MYO16: variants seen among roughly 807,000 people sequenced by gnomAD.
The protein encoded by MYO16 is myosin XVI.
A neutral mutation model predicts 205.3 loss-of-function variants in MYO16; 94 were observed. That is an observed-to-expected ratio of 0.46 (90% confidence interval 0.39 to 0.54). The LOEUF is 0.54. Among genes scored for constraint, MYO16 ranks in the 20% least tolerant of loss-of-function variants. The pLI is 0.00. For missense variants in MYO16, 2,315 were observed against 2,387.5 expected, an observed-to-expected ratio of 0.97 and a Z score of 0.63; for synonymous variants, 988 against 954.0, an observed-to-expected ratio of 1.04 and a Z score of -0.66.
chr13:108,926,956 A>G (rs1882033448), intron 16 of MYO16, among the ~76,000 whole-genome samples: 1 of 152,170 alleles, frequency 6.6e-6, no homozygotes, highest in African/African-American at 2.4e-5. Flanking sequence ...AAATACTAAA[A>G]TGAATTTCTA....
chr13:109,062,656 G>A (rs2139630063), intron 27 of MYO16, among the ~76,000 whole-genome samples: 1 of 152,162 alleles, frequency 6.6e-6, no homozygotes, highest in Admixed American at 6.5e-5. Context: ...TTCATAGAGA[G>A]ATTATCAGTT....
chr13:108,594,008 T>C (rs1878471486), upstream of MYO16, among the ~76,000 whole-genome samples: 1 of 152,192 alleles, frequency 6.6e-6, no homozygotes, highest in Non-Finnish European at 1.5e-5. Context: ...GTGCTCATGA[T>C]GGAACAAGAC....
At chr13:108,894,006 T>G (rs966784458) in intron 14 of MYO16, among the ~76,000 whole-genome samples, 11 of 152,182 alleles carry the variant, frequency 7.2e-5, no homozygotes, top group African/African-American at 2.7e-4. Flanking sequence ...GGAGGTTTAA[T>G]TGACTCACAG....
chr13:108,750,647 A>G (rs2116243), intron 4 of MYO16, among the ~76,000 whole-genome samples: 59,380 of 149,754 alleles, frequency 0.4, 12,340 homozygotes, highest in East Asian at 0.55. Context: ...AAAGAAAAGA[A>G]AAAAAGAAAA....
At chr13:108,632,946 A>T (rs898332834) in intron 1 of MYO16, among the ~76,000 whole-genome samples, 7 of 152,168 alleles carry the variant, frequency 4.6e-5, no homozygotes, top group Admixed American at 2.0e-4. Context: ...CGGAGGCTTG[A>T]GGTCTACCTG....
intron 7 of MYO16, among the ~76,000 whole-genome samples, chr13:108,810,789 A>G (rs889026880): frequency 1.3e-5 from 2 of 152,192 alleles, no homozygotes; most frequent in African/African-American, 4.8e-5. Context: ...TTTCACTCTT[A>G]TAAAGACCTT....
intron 3 of MYO16, among the ~76,000 whole-genome samples, chr13:108,716,479 A>G (rs531111878): frequency 3.8e-4 from 58 of 152,344 alleles, no homozygotes; most frequent in African/African-American, 1.3e-3. Flanking sequence ...CTGAAGGAGG[A>G]GGTGCTCAGT....
intron 1 of MYO16, among the ~76,000 whole-genome samples, chr13:108,649,680 T>C (rs1198489098): frequency 6.6e-6 from 1 of 152,224 alleles, no homozygotes; most frequent in Non-Finnish European, 1.5e-5. Flanking sequence ...TCTGAATTGG[T>C]ATAATAACAA....
intron 2 of MYO16, among the ~76,000 whole-genome samples, chr13:108,668,815 C>T (rs1881855684): frequency 1.3e-5 from 2 of 152,158 alleles, no homozygotes; most frequent in South Asian, 4.1e-4. Flanking sequence ...AGTAACCATG[C>T]ATCCCTTTCT....
At chr13:109,029,766 G>T (rs559349699) in intron 23 of MYO16, among the ~76,000 whole-genome samples, 1 of 152,182 alleles carries the variant, frequency 6.6e-6, no homozygotes, top group Non-Finnish European at 1.5e-5. Flanking sequence ...CTAGGCTCCT[G>T]GTGTTCCACT....
chr13:108,957,891 G>A, intron 17 of MYO16, 92 bp downstream of exon 17: 1 of 1,001,866 alleles, frequency 1.0e-6, no homozygotes, highest in African/African-American at 1.6e-5. Context: ...GAGCCCCTAT[G>A]ACATTCCAGA....
intron 4 of MYO16, chr13:108,779,991 A>T (rs907476076): frequency 6.6e-5 from 10 of 152,190 alleles, no homozygotes; most frequent in Non-Finnish European, 8.8e-5. Flanking sequence ...TTTCTGACAG[A>T]GGCAAAGCAC....
rs9555537 is a variant in MYO16, at chr13:109,000,413, G to T, written c.2442+7965G>T. 4.3e-4 allele frequency among the ~76,000 whole-genome samples: 66 copies of T among 152,138 alleles called. 1 individual carries two copies. Among genetic ancestry groups the T allele is most frequent in the Middle Eastern group, 6.8e-3 (2 of 294 alleles). ...AATTCAGAGGCAGATGTGTGAGGCC[G>T]CAGGAGCTGCTCCAGCACAGGCCAT... On this transcript the variant is annotated intron_variant, in intron 21 of 34. Transcript: ENST00000457511.
chr13:108,791,297 A>T (rs1441198836), intron 5 of MYO16, among the ~76,000 whole-genome samples: 2 of 152,216 alleles, frequency 1.3e-5, no homozygotes, highest in Non-Finnish European at 2.9e-5. Context: ...CATTATTCAA[A>T]TACTGCATTT....
intron 2 of MYO16, among the ~76,000 whole-genome samples, chr13:108,707,705 C>T (rs992513938): frequency 1.2e-4 from 18 of 152,208 alleles, no homozygotes; most frequent in African/African-American, 3.4e-4. Context: ...CTTACTAATT[C>T]TGTCTCTTCC....
chr13:108,694,113 A>G (rs768897944), intron 2 of MYO16, among the ~76,000 whole-genome samples: 10 of 152,162 alleles, frequency 6.6e-5, no homozygotes, highest in Non-Finnish European at 1.5e-4. Flanking sequence ...TCTACCATTG[A>G]TGAGCATTTA....
intron 16 of MYO16, among the ~76,000 whole-genome samples, chr13:108,919,637 C>A (rs1026204391): frequency 1.1e-4 from 17 of 152,168 alleles, no homozygotes; most frequent in African/African-American, 4.1e-4. Context: ...GAAAGTCCTT[C>A]TTGTGTTGAG....
rs142425271 is a variant in MYO16, at chr13:108,769,115, A to C, written c.508-16520A>C. 7.3e-3 allele frequency among the ~76,000 whole-genome samples: 1,106 copies of C among 152,368 alleles called. 7 individuals are homozygous for C. Among genetic ancestry groups the C allele is most frequent in the Non-Finnish European group, 0.013 (890 of 68,034 alleles). On this transcript the variant is annotated intron_variant, in intron 4 of 34. Transcript: ENST00000457511. ...CCAGGAGGGTATACTATCAGTTAGT[A>C]AACATATGTGTGTTTAAAACATTGA...
rs139158512 is a variant in MYO16, at chr13:108,757,347, G to A, written c.508-28288G>A. ...CTACGGAATATTTTATTCCTAATGCGGGAGAATCATTTATAACAGGAGTCT... is the reference window on the plus strand; with the variant it reads ...CTACGGAATATTTTATTCCTAATGCAGGAGAATCATTTATAACAGGAGTCT... On this transcript the variant is annotated intron_variant, in intron 4 of 34. Transcript: ENST00000457511. 3.0e-4 allele frequency among the ~76,000 whole-genome samples: 46 copies of A among 152,208 alleles called. No homozygotes were observed. The East Asian group carries it at 5.2e-3, about 17-fold the overall frequency.
Sources: allele counts gnomAD v4.1 joint callset (sites outside exome capture counted in the v4.1 genomes callset), GRCh38; gene constraint gnomAD v4.1.1; transcripts MANE v1.5; gene names NCBI Gene and HGNC (gene_info 2026-07-23, HGNC 2026-07-21).